MAN1A2: variants seen among roughly 807,000 people sequenced by gnomAD.
MAN1A2 encodes the protein mannosyl-oligosaccharide 1,2-alpha-mannosidase IB.
Under a neutral mutation model 75.7 loss-of-function variants are expected in MAN1A2, and 26 were observed. That is an observed-to-expected ratio of 0.34 (90% CI 0.25 to 0.48). The LOEUF is 0.48. Ranked by LOEUF, MAN1A2 falls within the 20% of genes least tolerant of loss-of-function variation. MAN1A2 has a pLI of 0.99. For synonymous variants in MAN1A2, 247 were observed against 264.6 expected, an observed-to-expected ratio of 0.93 and a Z score of 0.65; for missense variants, 562 against 775.5, an observed-to-expected ratio of 0.72 and a Z score of 3.27.
intron 12 of MAN1A2, chr1:117,515,723 A>G (rs965922315): frequency 6.6e-6 from 1 of 152,496 alleles, no homozygotes; most frequent in African/African-American, 2.4e-5. Flanking sequence ...TCAGCCATAA[A>G]AAGACAAATA....
chr1:117,405,927 G>T (rs1482829658), intron 3 of MAN1A2, among the ~76,000 whole-genome samples: 2 of 152,018 alleles, frequency 1.3e-5, no homozygotes, highest in Admixed American at 1.3e-4. Flanking sequence ...GTCAGGAAAA[G>T]TAGGCACCTA....
chr1:117,387,421 T>C (rs1042807592), intron 1 of MAN1A2, among the ~76,000 whole-genome samples: 2 of 152,224 alleles, frequency 1.3e-5, no homozygotes, highest in African/African-American at 4.8e-5. Flanking sequence ...GTGATTGTTA[T>C]GATTTCAATT....
At chr1:117,455,822 C>G (rs1268274228) in intron 6 of MAN1A2, among the ~76,000 whole-genome samples, 4 of 151,044 alleles carry the variant, frequency 2.6e-5, no homozygotes, top group African/African-American at 4.9e-5. Context: ...TTTTTCAGTG[C>G]CATTTAAATT....
chr1:117,527,215 C>G lies in MAN1A2; in HGVS notation c.*4258C>G, dbSNP rs993896589. ...CAGATAATATTTTAGGCTATGAGAG[C>G]TATACAGTCTCTCTTATTACTCATT... is the stretch of plus-strand genomic sequence containing the variant. On this transcript the variant is annotated 3_prime_UTR_variant, in exon 13 of 13. Coordinates refer to ENST00000356554, the MANE Select transcript of MAN1A2 (RefSeq NM_006699.5). The G allele has an allele frequency of 2.6e-5, 4 of 151,702 alleles. No individual in the cohort carries two copies. The highest frequency in any genetic ancestry group is 5.9e-5 in the Non-Finnish European group (4 of 67,844). 9.4% of individuals were successfully genotyped at this position (151,702 alleles called of 1,614,324 possible). A position where few individuals can be genotyped will look rare whatever the true frequency, so the allele number is the denominator to read the frequency against.
chr1:117,525,137 A>G lies in MAN1A2; in HGVS notation c.*2180A>G, dbSNP rs1015647857. On this transcript the variant is annotated 3_prime_UTR_variant, in exon 13 of 13. Transcript: ENST00000356554. The stretch of plus-strand genomic sequence containing the variant: ...CAGAACCCCTACTTCCAAGTGCTCT[A>G]TTTGTATTACCCAGATGACTGAAGC... 7.6e-6 allele frequency: 4 copies of G among 528,576 alleles called. No individual in the cohort carries two copies. Among genetic ancestry groups the G allele is most frequent in the South Asian group, 1.4e-5 (1 of 70,148 alleles). 32.7% of individuals were successfully genotyped at this position (528,576 alleles called of 1,614,324 possible).
At chr1:117,403,167 T>C (rs929760748) in intron 2 of MAN1A2, among the ~76,000 whole-genome samples, 1 of 152,228 alleles carries the variant, frequency 6.6e-6, no homozygotes, top group Non-Finnish European at 1.5e-5. Flanking sequence ...GTACCAACAA[T>C]ATTTCAGAAG....
chr1:117,428,307 G>A (rs1366775876), intron 5 of MAN1A2, among the ~76,000 whole-genome samples: 1 of 151,956 alleles, frequency 6.6e-6, no homozygotes. Flanking sequence ...TAGAGGTGGG[G>A]TCTCTCCATG....
intron 5 of MAN1A2, among the ~76,000 whole-genome samples, chr1:117,431,117 C>G (rs1570739016): frequency 7.7e-6 from 1 of 130,032 alleles, no homozygotes; most frequent in Admixed American, 7.9e-5. Context: ...GAGAATCAGG[C>G]AGGGAGGTTG....
At chr1:117,377,377 T>C (rs1279198729) in intron 1 of MAN1A2, among the ~76,000 whole-genome samples, 1 of 152,238 alleles carries the variant, frequency 6.6e-6, no homozygotes. Flanking sequence ...GGTGTAAATG[T>C]AAATTAATAG....
Position 117,391,244 on chromosome 1 carries a change from C to T in MAN1A2, c.303-10942C>T, listed in dbSNP as rs1002116874. Among the ~76,000 whole-genome samples, 8 of 152,102 alleles carry T rather than the reference C, an allele frequency of 5.3e-5. 1 individual carries two copies. The highest frequency in any genetic ancestry group is 6.8e-3 in the Middle Eastern group (2 of 294). On this transcript the variant is annotated intron_variant, in intron 1 of 12. Transcript: ENST00000356554. Reference sequence around the variant, plus strand: ...AAATGGTCTGTATTGGTACATGTTCCGTTTGCATTTAAACAGAATGTATAT... The same window carrying T: ...AAATGGTCTGTATTGGTACATGTTCTGTTTGCATTTAAACAGAATGTATAT...
At chr1:117,412,901 C>G (rs552447562) in intron 3 of MAN1A2, among the ~76,000 whole-genome samples, 15 of 151,840 alleles carry the variant, frequency 9.9e-5, no homozygotes, top group African/African-American at 3.4e-4. Flanking sequence ...TAGTCAATAC[C>G]TTAGAGAAAT....
At chr1:117,458,816 G>A (rs933931064) in intron 6 of MAN1A2, among the ~76,000 whole-genome samples, 6 of 151,728 alleles carry the variant, frequency 4.0e-5, no homozygotes, top group African/African-American at 9.7e-5. Flanking sequence ...GAGCCACCGC[G>A]CCTGGCAAAA....
At chr1:117,482,854 A>G (rs1290915429) in intron 8 of MAN1A2, among the ~76,000 whole-genome samples, 2 of 152,012 alleles carry the variant, frequency 1.3e-5, no homozygotes, top group Non-Finnish European at 2.9e-5. Context: ...GTTTTCTTCT[A>G]GGGTTTTTAT....
rs12077758 is a variant in MAN1A2, at chr1:117,400,741, G to A, written c.303-1445G>A. On this transcript the variant is annotated intron_variant, in intron 1 of 12. Coordinates refer to ENST00000356554, the MANE Select transcript of MAN1A2 (RefSeq NM_006699.5). ...TGTAGTGTGGATATACCACAGTTTT[G>A]TTTAACTGTTTATTTTTGGAGGATA... Among the ~76,000 whole-genome samples the A allele has an allele frequency of 7.9e-3, 1,199 of 152,126 alleles. 12 individuals carry two copies. The highest frequency in any genetic ancestry group is 0.027 in the African/African-American group (1,128 of 41,498).
At chr1:117,432,882 GAT>G (rs888766653) in intron 5 of MAN1A2, among the ~76,000 whole-genome samples, 3 of 147,284 alleles carry the variant, frequency 2.0e-5, no homozygotes, top group Admixed American at 6.8e-5. Flanking sequence ...TAATATAAAA[GAT>G]ATATATATTA....
At chr1:117,422,588 G>T (rs1648232324) in intron 5 of MAN1A2, among the ~76,000 whole-genome samples, 1 of 151,964 alleles carries the variant, frequency 6.6e-6, no homozygotes. Flanking sequence ...TTTGTATTGT[G>T]AGTCTCTTTA....
chr1:117,383,251 A>G (rs903886117), intron 1 of MAN1A2, among the ~76,000 whole-genome samples: 1 of 152,022 alleles, frequency 6.6e-6, no homozygotes, highest in East Asian at 1.9e-4. Context: ...TATTAATGTG[A>G]TATGTTACAT....
chr1:117,455,205 A>G (rs576312625), intron 6 of MAN1A2, among the ~76,000 whole-genome samples: 3 of 152,310 alleles, frequency 2.0e-5, no homozygotes, highest in South Asian at 4.1e-4. Flanking sequence ...ACACACAGCA[A>G]TATGGGTGAA....
At chr1:117,436,513 A>G (rs758849795) in intron 5 of MAN1A2, among the ~76,000 whole-genome samples, 2 of 152,240 alleles carry the variant, frequency 1.3e-5, no homozygotes, top group Non-Finnish European at 2.9e-5. Context: ...TAGAAAAGCA[A>G]TCCAGCACTG....
Sources: allele counts gnomAD v4.1 joint callset (sites outside exome capture counted in the v4.1 genomes callset), GRCh38; gene constraint gnomAD v4.1.1; transcripts MANE v1.5; gene names NCBI Gene and HGNC (gene_info 2026-07-23, HGNC 2026-07-21).